DHX16: variants seen among roughly 807,000 people sequenced by gnomAD.
DHX16 encodes pre-mRNA-splicing factor ATP-dependent RNA helicase DHX16.
Under a neutral mutation model 131.2 loss-of-function variants are expected in DHX16, and 81 were observed. The ratio of observed to expected loss-of-function variants is 0.62; its 90% CI spans 0.52 to 0.74. The LOEUF is 0.74. DHX16 is among the 30% of genes least tolerant of loss of function. The pLI, the probability that DHX16 is intolerant of heterozygous loss-of-function variation, is 0.00. For missense variants in DHX16, 980 were observed against 1,363.1 expected (o/e 0.72, Z 4.43); for synonymous variants, 440 against 520.2 (o/e 0.85, Z 2.10).
rs1769693455 is a variant in DHX16, at chr6:30,672,730, T to A, written c.112A>T (p.Thr38Ser). Reference sequence around the variant, plus strand: ...CGCTGCACGAACTCCTCGGCAGAGGTGCAGCGCTGTGCGGTACCGATCAGA... The same window carrying A: ...CGCTGCACGAACTCCTCGGCAGAGGAGCAGCGCTGTGCGGTACCGATCAGA... ...QFLIGTAQRC[T>S]SAEEFVQRLR... The change falls in exon 1 of 20, where the codon ACC becomes TCC. Residue 38 changes from threonine (T) to serine (S), a missense_variant. Transcript: ENST00000376442. The A allele has an allele frequency of 6.2e-7, 1 of 1,612,808 alleles. No homozygotes were observed. The highest frequency in any genetic ancestry group is 8.5e-7 in the Non-Finnish European group (1 of 1,179,988).
intron 9 of DHX16, among the ~76,000 whole-genome samples, chr6:30,660,888 GA>G (rs1192310964): frequency 6.6e-6 from 1 of 150,442 alleles, no homozygotes; most frequent in African/African-American, 2.4e-5. Flanking sequence ...TCTAAAAAAA[GA>G]AAAAAGAAAA....
chr6:30,670,521 C>T lies in DHX16; in HGVS notation c.610-55G>A, dbSNP rs1020597287. The T allele has an allele frequency of 3.2e-6, 5 of 1,552,104 alleles. No homozygotes were observed. Among genetic ancestry groups the T allele is most frequent in the Non-Finnish European group, 4.4e-6 (5 of 1,133,352 alleles). ...TGAGGCCAAAGAGCCCCCACACTGA[C>T]AGCTGCTCCCCTCTAGAATCACAAG... is the stretch of plus-strand genomic sequence containing the variant. On this transcript the variant is annotated intron_variant, in intron 3 of 19. Coordinates refer to ENST00000376442, the MANE Select transcript of DHX16 (RefSeq NM_003587.5). This position sits in a 1 kb window ranked among gnomAD's most constrained non-coding sequence, Gnocchi z 4.4.
chr6:30,664,867 G>A lies in DHX16; in HGVS notation c.1251C>T (p.Val417=), dbSNP rs774306798. 1.2e-6 allele frequency: 2 copies of A among 1,613,146 alleles called. No homozygotes were observed. Among genetic ancestry groups the A allele is most frequent in the Admixed American group, 3.3e-5 (2 of 60,018 alleles). ...ELLAAIANHQ[V]LIIEGETGSG... ...AGCCTGTCTCGCCTTCAATGATGAG[G>A]ACTTGGTGATTTGCAATAGCAGCCA... is the stretch of plus-strand genomic sequence containing the variant. The change falls in exon 7 of 20, where the codon GTC becomes GTT. Residue 417 remains valine (V), a synonymous_variant. Coordinates refer to ENST00000376442, the MANE Select transcript of DHX16 (RefSeq NM_003587.5).
chr6:30,654,889 G>A lies in DHX16; in HGVS notation c.2824-10C>T, dbSNP rs768925051. On this transcript the variant is annotated splice_polypyrimidine_tract_variant and intron_variant, in intron 18 of 19. Coordinates refer to ENST00000376442, the MANE Select transcript of DHX16 (RefSeq NM_003587.5). ...AACCAGCAGTGATGGCCTAAGGAGC[G>A]GGCAGGAAAGAAAATCAATGGAAAA... The A allele has an allele frequency of 3.6e-5, 57 of 1,602,684 alleles. No individual in the cohort carries two copies. The highest frequency in any genetic ancestry group is 1.2e-4 in the African/African-American group (9 of 74,506).
Position 30,672,916 on chromosome 6 carries a change from G to C in DHX16, c.-75C>G. 1 of 1,584,212 alleles carries C rather than the reference G, an allele frequency of 6.3e-7. No individual in the cohort carries two copies. Among genetic ancestry groups the C allele is most frequent in the Non-Finnish European group, 8.6e-7 (1 of 1,165,544 alleles). On this transcript the variant is annotated 5_prime_UTR_variant, in exon 1 of 20. Coordinates refer to ENST00000376442, the MANE Select transcript of DHX16 (RefSeq NM_003587.5). The stretch of plus-strand genomic sequence containing the variant: ...TCACTGCTGGGCCGGTCAGAGGCCT[G>C]GAGCCCTCGGCTGGAGCCTCAGCTT...
Position 30,664,785 on chromosome 6 carries a change from G to A in DHX16, c.1317+16C>T, listed in dbSNP as rs754322541. 6.2e-7 allele frequency: 1 copy of A among 1,602,396 alleles called. No homozygotes were observed. The highest frequency in any genetic ancestry group is 8.5e-7 in the Non-Finnish European group (1 of 1,171,256). ...TGCCAGGTGCCCTGGCAAGCTGAAGGGTGAGATGACTGTACCTCCTCAAAG... is the reference window on the plus strand; with the variant it reads ...TGCCAGGTGCCCTGGCAAGCTGAAGAGTGAGATGACTGTACCTCCTCAAAG... On this transcript the variant is annotated intron_variant, in intron 7 of 19. Coordinates refer to ENST00000376442, the MANE Select transcript of DHX16 (RefSeq NM_003587.5).
rs1200226935 is a variant in DHX16, at chr6:30,671,214, G to A, written c.268C>T (p.Leu90=). ...CTATAAGATCGGTTCTTCTCCAGCAGGGCCCGGGCCTCTCGCTCTGCTGCC... is the reference window on the plus strand; with the variant it reads ...CTATAAGATCGGTTCTTCTCCAGCAAGGCCCGGGCCTCTCGCTCTGCTGCC... ...ARAAEREARA[L]LEKNRSYRLL... is the part of the protein sequence containing the mutation. Residue 90 remains leucine, a synonymous_variant, in exon 2 of 20, where the codon CTG becomes TTG. Transcript: ENST00000376442. 1 of 1,612,992 alleles carries A rather than the reference G, an allele frequency of 6.2e-7. No homozygotes were observed. The highest frequency in any genetic ancestry group is 1.1e-5 in the South Asian group (1 of 91,068).
Position 30,664,706 on chromosome 6 carries a change from G to A in DHX16, c.1317+95C>T, listed in dbSNP as rs985210413. On this transcript the variant is annotated intron_variant, in intron 7 of 19. Transcript: ENST00000376442. ...ACAATTTAGTGGAAAAGATAGGTAA[G>A]TGACTACTAAAAATATAATGTAAAA... 10 of 1,120,086 alleles carry A rather than the reference G, an allele frequency of 8.9e-6. No homozygotes were observed. The African/African-American group carries it at 1.2e-4, about 14-fold the overall frequency. 69.4% of individuals were successfully genotyped at this position (1,120,086 alleles called of 1,614,324 possible).
chr6:30,661,887 G>A (rs1479073524), intron 9 of DHX16: 4 of 717,964 alleles, frequency 5.6e-6, no homozygotes, highest in South Asian at 4.4e-5. Flanking sequence ...CAAGGGATAT[G>A]AAGGATAAAA....
intron 7 of DHX16, among the ~76,000 whole-genome samples, chr6:30,664,381 G>A (rs945259009): frequency 1.3e-5 from 2 of 150,950 alleles, no homozygotes; most frequent in South Asian, 2.1e-4. Flanking sequence ...GAAGGCTGAC[G>A]CAGGAGAATT....
rs1361337402 is a variant in DHX16 at position 30,656,943 on chromosome 6, C to T, written c.2148+9G>A. On this transcript the variant is annotated intron_variant, in intron 13 of 19. Coordinates refer to ENST00000376442, the MANE Select transcript of DHX16 (RefSeq NM_003587.5). This position sits in a 1 kb window ranked among gnomAD's most constrained non-coding sequence, Gnocchi z 5.1. ...CACCTCCCCCACTCCCATGCATCCC[C>T]AGGCTGACCTTGCTGCAGGGTGTGA... 6.2e-7 allele frequency: 1 copy of T among 1,610,226 alleles called. No individual in the cohort carries two copies. Among genetic ancestry groups the T allele is most frequent in the Non-Finnish European group, 8.5e-7 (1 of 1,178,352 alleles).
In DHX16 at chr6:30,670,312, C is replaced by G; in HGVS notation, c.666+98G>C. On this transcript the variant is annotated intron_variant, in intron 4 of 19. Transcript: ENST00000376442. The surrounding 1 kb of genome is among the most constrained non-coding windows in gnomAD (Gnocchi z 4.4). ...GAAACCTGACCACCCCATCAGCATC[C>G]ACACTGTGCTTCCTCTGTATCCTCT... 7.9e-7 allele frequency: 1 copy of G among 1,257,990 alleles called. No individual in the cohort carries two copies. Among genetic ancestry groups the G allele is most frequent in the Non-Finnish European group, 1.1e-6 (1 of 907,826 alleles). 77.9% of individuals were successfully genotyped at this position (1,257,990 alleles called of 1,614,324 possible).
Position 30,659,508 on chromosome 6 carries a change from G to A in DHX16, c.1971C>T (p.Ala657=), listed in dbSNP as rs1279036426. ...CAGGTGGTGTGGGCTGGAAGATACG[G>A]GCCTGCATGTCAGAGGGCAGATTGG... The part of the protein sequence containing the change: ...IYANLPSDMQ[A]RIFQPTPPGA... The change falls in exon 12 of 20, where the codon GCC becomes GCT. Residue 657 remains alanine, a synonymous_variant. Coordinates refer to ENST00000376442, the MANE Select transcript of DHX16 (RefSeq NM_003587.5). 5 of 1,605,218 alleles carry A rather than the reference G, an allele frequency of 3.1e-6. No individual in the cohort carries two copies. Among genetic ancestry groups the A allele is most frequent in the East Asian group, 4.5e-5 (2 of 44,682 alleles).
chr6:30,654,024 C>T (rs578140132), intron 19 of DHX16, among the ~76,000 whole-genome samples: 4 of 152,052 alleles, frequency 2.6e-5, no homozygotes, highest in Non-Finnish European at 5.9e-5. Context: ...GAGGCTGAGG[C>T]AGGGGAATCA....
intron 9 of DHX16, 131 bp from the exon 10 acceptor site, chr6:30,660,373 T>C (rs2127583709): frequency 2.7e-6 from 2 of 733,786 alleles, no homozygotes; most frequent in East Asian, 3.1e-5. Context: ...GAGGGGGCTC[T>C]AAGGAGAAGT....
At chr6:30,661,639 G>C in intron 9 of DHX16, 1 of 669,242 alleles carries the variant, frequency 1.5e-6, no homozygotes, top group Non-Finnish European at 2.8e-6. Context: ...ACTCAGTTAT[G>C]TGCATGACAC....
intron 16 of DHX16, 21 bp from the exon 17 acceptor site, chr6:30,655,618 C>A: frequency 6.2e-7 from 1 of 1,612,822 alleles, no homozygotes; most frequent in Middle Eastern, 1.6e-4. Context: ...AAGGGGAAAG[C>A]ATGAGTTCAA....
At position 30,653,332 on chromosome 6, in the gene DHX16, A is replaced by G. The variant is rs1182881608; in HGVS notation, c.3036T>C (p.Ala1012=). The G allele has an allele frequency of 1.9e-6, 3 of 1,612,824 alleles. No homozygotes were observed. In the South Asian group the frequency reaches 3.3e-5, roughly 18 times the overall value. The change falls in exon 20 of 20, where the codon GCT becomes GCC. Residue 1012 remains alanine (A), a synonymous_variant. Transcript: ENST00000376442. ...GCTCCTTGGCCTTATAATAATGGGG[A>G]GCCACCTCCAGAAGCCAACTGCTCT... ...EIESSWLLEV[A]PHYYKAKELE... is the part of the protein sequence containing the mutation.
chr6:30,656,316 C>T lies in DHX16; in HGVS notation c.2431-51G>A, dbSNP rs1039746497. ...GCCCAGTCCTCCCTCAGGTTTCCCG[C>T]TACTACTACAGGGGTCCCTGGAGCC... On this transcript the variant is annotated intron_variant, in intron 15 of 19. Coordinates refer to ENST00000376442, the MANE Select transcript of DHX16 (RefSeq NM_003587.5). The surrounding 1 kb of genome is among the most constrained non-coding windows in gnomAD (Gnocchi z 5.1). 20 of 1,611,426 alleles carry T rather than the reference C, an allele frequency of 1.2e-5. No homozygotes were observed. Among genetic ancestry groups the T allele is most frequent in the Non-Finnish European group, 1.7e-5 (20 of 1,177,900 alleles).
Sources: gnomAD v4.1 joint callset for allele counts (sites outside exome capture counted in the v4.1 genomes callset) on GRCh38, gnomAD v4.1.1 for gene constraint, Gnocchi (gnomAD v3.1) non-coding constraint, MANE v1.5 for transcripts, NCBI Gene and HGNC (gene_info 2026-07-23, HGNC 2026-07-21) for gene names.